The following GPLD1 variants were observed in gnomAD, a reference collection of about 807,000 sequenced individuals.
GPLD1 encodes the protein phosphatidylinositol-glycan-specific phospholipase D.
In GPLD1, 84 loss-of-function variants were observed where a neutral mutation model predicts 112.6. That is an observed-to-expected ratio of 0.75 (90% CI 0.63 to 0.89). The LOEUF is 0.89. GPLD1 is among the 40% of genes least tolerant of loss of function. The probability of loss-of-function intolerance (pLI) is 0.00; values close to 1 mark genes in which losing one functional copy is unlikely to be tolerated. For missense variants in GPLD1, 1,044 were observed against 1,051.5 expected, an observed-to-expected ratio of 0.99 and a Z score of 0.10; for synonymous variants, 386 against 403.8, an observed-to-expected ratio of 0.96 and a Z score of 0.53.
intron 17 of GPLD1, 68 bp from the exon 18 acceptor site, chr6:24,447,047 G>C (rs951949471): frequency 1.2e-5 from 17 of 1,427,372 alleles, no homozygotes; most frequent in Admixed American, 3.9e-5. Context: ...GAAAAGAAAG[G>C]GTCCTTCTCG....
At chr6:24,483,956 G>A (rs1764286601) in intron 2 of GPLD1, among the ~76,000 whole-genome samples, 1 of 151,898 alleles carries the variant, frequency 6.6e-6, no homozygotes, top group South Asian at 2.1e-4. Flanking sequence ...TGTCTCCCAG[G>A]CTGGAATGGA....
At chr6:24,468,710 T>G (rs1408729529) in intron 7 of GPLD1, among the ~76,000 whole-genome samples, 1 of 152,114 alleles carries the variant, frequency 6.6e-6, no homozygotes, top group African/African-American at 2.4e-5. Flanking sequence ...TGCGCCACCA[T>G]GCCTGGCCAA....
rs770505955 is a variant in GPLD1, at chr6:24,437,150, G to A, written c.2160C>T (p.Gly720=). 8.7e-6 allele frequency: 14 copies of A among 1,614,178 alleles called. No homozygotes were observed. Among genetic ancestry groups the A allele is most frequent in the Non-Finnish European group, 1.2e-5 (14 of 1,180,004 alleles). Residue 720 remains glycine (G), a synonymous_variant, in exon 21 of 25, where the codon GGC becomes GGT. Transcript: ENST00000230036. ...SGDRRFSRFG[G]VLHLSDLDDD... ...CATCCAGGTCACTCAAGTGCAGAAC[G>A]CCACCAAATCGGGAGAAGCGGCGGT... is the stretch of plus-strand genomic sequence containing the variant.
chr6:24,493,994 T>C (rs1764622978), upstream of GPLD1, among the ~76,000 whole-genome samples: 1 of 152,244 alleles, frequency 6.6e-6, no homozygotes, highest in African/African-American at 2.4e-5. Flanking sequence ...CCTGCTGCTT[T>C]CAGAGTCTTA....
chr6:24,440,602 C>G (rs1224225526), intron 20 of GPLD1, among the ~76,000 whole-genome samples: 1 of 54,858 alleles, frequency 1.8e-5, no homozygotes, highest in African/African-American at 4.6e-5. Context: ...AAAAAAGAAG[C>G]ATAATCCAGG....
At chr6:24,439,244 A>C (rs1049217757) in intron 20 of GPLD1, among the ~76,000 whole-genome samples, 6 of 152,240 alleles carry the variant, frequency 3.9e-5, no homozygotes, top group African/African-American at 1.4e-4. Context: ...CCACAGGATG[A>C]ACACTGGCCC....
intron 2 of GPLD1, among the ~76,000 whole-genome samples, chr6:24,485,226 T>C (rs1455109845): frequency 6.6e-6 from 1 of 152,316 alleles, no homozygotes; most frequent in Middle Eastern, 3.4e-3. Flanking sequence ...CTCTCAAGTA[T>C]GACTTTTTAA....
rs1762322539 is a variant in GPLD1 at position 24,429,022 on chromosome 6, A to G, written c.*10T>C. ...AGAGGTGGGCAGAGTGGGGAAATGC[A>G]GTGAAATCTTCAATCTGAGCCAAGG... is the stretch of plus-strand genomic sequence containing the variant. On this transcript the variant is annotated 3_prime_UTR_variant, in exon 25 of 25. Transcript: ENST00000230036. The G allele has an allele frequency of 1.3e-6, 2 of 1,587,032 alleles. No homozygotes were observed. The highest frequency in any genetic ancestry group is 1.7e-4 in the Middle Eastern group (1 of 6,006).
At chr6:24,470,201 T>C (rs1334956204) in intron 7 of GPLD1, among the ~76,000 whole-genome samples, 1 of 152,088 alleles carries the variant, frequency 6.6e-6, no homozygotes, top group African/African-American at 2.4e-5. Flanking sequence ...AGTGGCATGA[T>C]CTCGGCAGTT....
At chr6:24,434,454 A>T (rs1762505731) in intron 22 of GPLD1, among the ~76,000 whole-genome samples, 1 of 152,034 alleles carries the variant, frequency 6.6e-6, no homozygotes, top group Non-Finnish European at 1.5e-5. Context: ...CACAATTGTT[A>T]ACCAAAATAT....
At chr6:24,424,940 TC>T (rs1762178991), downstream of GPLD1, 2 of 148,650 alleles carry the variant, frequency 1.3e-5, no homozygotes, top group Admixed American at 1.3e-4. Context: ...AAGTAAGGTT[TC>T]CCCACTCCTG....
At chr6:24,424,868 T>C (rs940445570), downstream of GPLD1, 3 of 152,128 alleles carry the variant, frequency 2.0e-5, no homozygotes, top group African/African-American at 7.2e-5. Context: ...TTTCAGGTGG[T>C]TTGGTGATAG....
chr6:24,479,467 G>A (rs1434086166), intron 3 of GPLD1, among the ~76,000 whole-genome samples: 1 of 152,188 alleles, frequency 6.6e-6, no homozygotes, highest in African/African-American at 2.4e-5. Context: ...GGACAATCCA[G>A]TCTAGGCAGG....
At chr6:24,436,839 T>TTGTAAG in intron 21 of GPLD1, 103 bp from the exon 22 acceptor site, 1 of 1,127,352 alleles carries the variant, frequency 8.9e-7, no homozygotes, top group Non-Finnish European at 1.3e-6. Context: ...CAAATAATAT[T>TTGTAAG]AGTATCTCCT....
intron 1 of GPLD1, among the ~76,000 whole-genome samples, chr6:24,487,149 C>G (rs1269075802): frequency 6.6e-6 from 1 of 152,008 alleles, no homozygotes; most frequent in Non-Finnish European, 1.5e-5. Context: ...GCATTAATAT[C>G]ATAAAAGTCA....
intron 20 of GPLD1, among the ~76,000 whole-genome samples, chr6:24,437,959 G>C (rs1762632483): frequency 6.6e-6 from 1 of 152,102 alleles, no homozygotes; most frequent in Non-Finnish European, 1.5e-5. Flanking sequence ...GAGTCCAGTG[G>C]GACTTTAGCT....
chr6:24,461,195 G>T (rs1205327736), intron 11 of GPLD1, among the ~76,000 whole-genome samples: 1 of 152,138 alleles, frequency 6.6e-6, no homozygotes, highest in Admixed American at 6.6e-5. Flanking sequence ...GACAACAGCC[G>T]TAAGTGACGG....
At chr6:24,431,451 C>A (rs1195101542) in intron 24 of GPLD1, among the ~76,000 whole-genome samples, 1 of 152,128 alleles carries the variant, frequency 6.6e-6, no homozygotes, top group Non-Finnish European at 1.5e-5. Flanking sequence ...AGAACAGGGA[C>A]TCTGCCCTCT....
chr6:24,463,358 T>C (rs1263111466), intron 10 of GPLD1, among the ~76,000 whole-genome samples: 2 of 152,162 alleles, frequency 1.3e-5, no homozygotes, highest in South Asian at 2.1e-4. Flanking sequence ...AAGAGTATTC[T>C]GGAATGAAGA....
Sources: allele counts gnomAD v4.1 joint callset (sites outside exome capture counted in the v4.1 genomes callset), GRCh38; gene constraint gnomAD v4.1.1; transcripts MANE v1.5; gene names NCBI Gene and HGNC (gene_info 2026-07-23, HGNC 2026-07-21).